The following GRID1 variants were observed in gnomAD, a reference collection of about 807,000 sequenced individuals.
GRID1 encodes the protein glutamate ionotropic receptor delta type subunit 1.
A neutral mutation model predicts 98.0 loss-of-function variants in GRID1; 28 were observed. The observed-to-expected ratio is 0.29, with a 90% confidence interval of 0.21 to 0.39. The LOEUF (loss-of-function observed/expected upper bound fraction) is 0.39. Ranked by LOEUF, GRID1 falls within the 10% of genes least tolerant of loss-of-function variation. The pLI is 1.00. For missense variants in GRID1, 1,111 were observed against 1,340.5 expected, an observed-to-expected ratio of 0.83 and a Z score of 2.67; for synonymous variants, 553 against 538.5, an observed-to-expected ratio of 1.03 and a Z score of -0.37.
intron 2 of GRID1, among the ~76,000 whole-genome samples, chr10:86,213,345 C>G (rs986635552): frequency 5.3e-5 from 8 of 152,110 alleles, no homozygotes; most frequent in South Asian, 2.1e-4. Context: ...GGGCTCCCCA[C>G]GCTGACACAT....
intron 2 of GRID1, among the ~76,000 whole-genome samples, chr10:86,263,212 C>T (rs1293234015): frequency 4.6e-5 from 7 of 152,258 alleles, no homozygotes; most frequent in South Asian, 2.1e-4. Flanking sequence ...TGACATTACA[C>T]CCCCTGCATT....
At chr10:85,741,237 G>GT (rs1289144520) in intron 8 of GRID1, among the ~76,000 whole-genome samples, 38 of 152,200 alleles carry the variant, frequency 2.5e-4, no homozygotes, top group African/African-American at 8.9e-4. Flanking sequence ...TCTGCAAAAG[G>GT]TTTTCTCACT....
Position 85,900,969 on chromosome 10 carries a change from C to G in GRID1, c.780+15217G>C, listed in dbSNP as rs114391788. Among the ~76,000 whole-genome samples, 348 of 152,018 alleles carry G rather than the reference C, an allele frequency of 2.3e-3. 3 individuals are homozygous for G. The highest frequency in any genetic ancestry group is 7.9e-3 in the African/African-American group (328 of 41,500). On this transcript the variant is annotated intron_variant, in intron 5 of 15. Transcript: ENST00000327946. ...CCATGGAAGACATTAATAAGTATTG[C>G]AAAAAGTGGAGGAGGCAGTAATTTG...
At chr10:85,643,069 A>G (rs1843142932) in intron 13 of GRID1, among the ~76,000 whole-genome samples, 2 of 152,162 alleles carry the variant, frequency 1.3e-5, no homozygotes, top group South Asian at 4.1e-4. Context: ...TAAAAGCCTT[A>G]GGACTCCCAA....
chr10:86,036,045 G>A (rs933817194), intron 4 of GRID1, among the ~76,000 whole-genome samples: 10 of 152,064 alleles, frequency 6.6e-5, no homozygotes, highest in African/African-American at 2.4e-4. Flanking sequence ...AATCAGTTAG[G>A]AAAAAGGGAA....
Position 86,097,259 on chromosome 10 carries a change from AATAGATGATAG to A in GRID1, c.726+41549_726+41559del, listed in dbSNP as rs1844234543. ...AGCCAATCCCAGACGATAGATATATAATAGATGATAGATAGATGAGAGAGGATTTATTAGGG... is the reference window on the plus strand; with the variant it reads ...AGCCAATCCCAGACGATAGATATATAATAGATGAGAGAGGATTTATTAGGG... On this transcript the variant is annotated intron_variant, in intron 4 of 15. Coordinates refer to ENST00000327946, the MANE Select transcript of GRID1 (RefSeq NM_017551.3). Among the ~76,000 whole-genome samples the A allele has an allele frequency of 1.2e-4, 19 of 152,366 alleles. No individual in the cohort carries two copies. The South Asian group carries it at 3.7e-3, about 30-fold the overall frequency.
intron 4 of GRID1, among the ~76,000 whole-genome samples, chr10:85,985,706 C>T (rs1372356145): frequency 2.0e-5 from 3 of 152,240 alleles, no homozygotes; most frequent in East Asian, 3.8e-4. Context: ...CTGAGATCCC[C>T]TCTGGTCAGG....
chr10:86,246,122 G>A (rs1846722513), intron 2 of GRID1, among the ~76,000 whole-genome samples: 1 of 152,222 alleles, frequency 6.6e-6, no homozygotes, highest in African/African-American at 2.4e-5. Flanking sequence ...AGGCTGAAAG[G>A]TCAGTGCCAC....
At chr10:86,074,882 C>A (rs1843858583) in intron 4 of GRID1, among the ~76,000 whole-genome samples, 1 of 152,146 alleles carries the variant, frequency 6.6e-6, no homozygotes, top group South Asian at 2.1e-4. Context: ...ATGAATGATA[C>A]AGGGAAGGAG....
intron 4 of GRID1, among the ~76,000 whole-genome samples, chr10:85,948,520 T>A (rs928120446): frequency 6.6e-6 from 1 of 152,132 alleles, no homozygotes; most frequent in African/African-American, 2.4e-5. Flanking sequence ...GATGTGTAGA[T>A]AATTTTTGTG....
intron 4 of GRID1, among the ~76,000 whole-genome samples, chr10:85,967,473 A>G (rs879470039): frequency 2.0e-5 from 3 of 152,216 alleles, no homozygotes; most frequent in Non-Finnish European, 2.9e-5. Context: ...GAAAAATAGG[A>G]AAAAATGCAT....
At chr10:85,758,444 C>G (rs145026577) in intron 8 of GRID1, among the ~76,000 whole-genome samples, 212 of 152,260 alleles carry the variant, frequency 1.4e-3, no homozygotes, top group African/African-American at 4.9e-3. Context: ...AGGAGCTCAT[C>G]AGAGGGTAAT....
chr10:85,824,174 T>C (rs189266083), intron 8 of GRID1, among the ~76,000 whole-genome samples: 5,017 of 146,526 alleles, frequency 0.034, 122 homozygotes, highest in Non-Finnish European at 0.049. Flanking sequence ...TTAAAAAGAG[T>C]TGATTTTGTT....
At chr10:86,091,735 C>T (rs1236126666) in intron 4 of GRID1, among the ~76,000 whole-genome samples, 1 of 152,160 alleles carries the variant, frequency 6.6e-6, no homozygotes. Flanking sequence ...GAGTCCACTG[C>T]ACCCTCTGCC....
intron 6 of GRID1, among the ~76,000 whole-genome samples, chr10:85,857,027 G>C (rs1843116805): frequency 6.6e-6 from 1 of 152,212 alleles, no homozygotes; most frequent in African/African-American, 2.4e-5. Flanking sequence ...CTGGGCCTCA[G>C]AAAGACCACT....
At chr10:86,153,492 C>T (rs1381774253) in intron 3 of GRID1, among the ~76,000 whole-genome samples, 2 of 152,228 alleles carry the variant, frequency 1.3e-5, no homozygotes, top group Non-Finnish European at 2.9e-5. Flanking sequence ...ATTATCTGCG[C>T]TCTTGAGGCT....
intron 4 of GRID1, among the ~76,000 whole-genome samples, chr10:85,949,285 G>C (rs566524493): frequency 6.6e-6 from 1 of 152,196 alleles, no homozygotes; most frequent in South Asian, 2.1e-4. Context: ...TCATTTCCCA[G>C]AAGTAACCAC....
chr10:85,813,678 T>G (rs896729572), intron 8 of GRID1, among the ~76,000 whole-genome samples: 1 of 151,864 alleles, frequency 6.6e-6, no homozygotes, highest in Non-Finnish European at 1.5e-5. Context: ...AGAGGGAAAC[T>G]TGCATCTTCA....
chr10:85,693,068 A>G (rs1841351538), intron 12 of GRID1, among the ~76,000 whole-genome samples: 1 of 152,214 alleles, frequency 6.6e-6, no homozygotes, highest in Non-Finnish European at 1.5e-5. Flanking sequence ...AATATGGAGA[A>G]AGATTTGAGG....
Sources: allele counts gnomAD v4.1 joint callset (sites outside exome capture counted in the v4.1 genomes callset), GRCh38; gene constraint gnomAD v4.1.1; transcripts MANE v1.5; gene names NCBI Gene and HGNC (gene_info 2026-07-23, HGNC 2026-07-21).